SERPINB7: variants seen among roughly 807,000 people sequenced by gnomAD.
SERPINB7 encodes the protein serpin B7.
In SERPINB7, 31 loss-of-function variants were observed where a neutral mutation model predicts 37.4. The ratio of observed to expected loss-of-function variants is 0.83; its 90% CI spans 0.62 to 1.12. The LOEUF is 1.12. SERPINB7 is among the 50% of genes most tolerant of loss of function. The pLI is 0.00. For missense variants in SERPINB7, 521 were observed against 455.3 expected, an observed-to-expected ratio of 1.14 and a Z score of -1.31; for synonymous variants, 163 against 166.1, an observed-to-expected ratio of 0.98 and a Z score of 0.14.
chr18:63,760,391 T>C (rs1030932408), intron 1 of SERPINB7, among the ~76,000 whole-genome samples: 3 of 152,192 alleles, frequency 2.0e-5, no homozygotes. Flanking sequence ...CATTCTGTTT[T>C]ATAAGGGAAG....
At chr18:63,772,580 C>A (rs1049384776), upstream of SERPINB7, among the ~76,000 whole-genome samples, 1 of 151,954 alleles carries the variant, frequency 6.6e-6, no homozygotes, top group Non-Finnish European at 1.5e-5. Flanking sequence ...GAAATGGGAC[C>A]AATTACTGCA....
chr18:63,802,863 A>C (rs768035750), intron 7 of SERPINB7, among the ~76,000 whole-genome samples: 3 of 152,184 alleles, frequency 2.0e-5, no homozygotes, highest in South Asian at 2.1e-4. Flanking sequence ...TTACGTTTTC[A>C]TCTTAATTAT....
At chr18:63,785,032 G>C (rs1424630218) in intron 2 of SERPINB7, among the ~76,000 whole-genome samples, 1 of 152,112 alleles carries the variant, frequency 6.6e-6, no homozygotes, top group South Asian at 2.1e-4. Context: ...ACTCTTTACT[G>C]CCTCATCAAT....
chr18:63,759,114 A>C (rs2049138265), intron 1 of SERPINB7, among the ~76,000 whole-genome samples: 1 of 152,176 alleles, frequency 6.6e-6, no homozygotes. Context: ...TTCATGGTCT[A>C]TCCTATTCTA....
In SERPINB7 at chr18:63,804,675, C is replaced by A. The variant is rs201819420; in HGVS notation, c.*40C>A. 2.2e-5 allele frequency: 34 copies of A among 1,524,652 alleles called. No homozygotes were observed. The highest frequency in any genetic ancestry group is 2.9e-5 in the Non-Finnish European group (33 of 1,132,814). 94.4% of individuals were successfully genotyped at this position (1,524,652 alleles called of 1,614,324 possible). On this transcript the variant is annotated 3_prime_UTR_variant, in exon 8 of 8. Coordinates refer to ENST00000398019, the MANE Select transcript of SERPINB7 (RefSeq NM_003784.4). ...TCTGTTATAGCAGTCCCCACAACATCAAAGAACCACCACAAGTCAATAGAT... is the reference window on the plus strand; with the variant it reads ...TCTGTTATAGCAGTCCCCACAACATAAAAGAACCACCACAAGTCAATAGAT...
chr18:63,763,388 T>C (rs1323040716), intron 1 of SERPINB7, among the ~76,000 whole-genome samples: 1 of 152,236 alleles, frequency 6.6e-6, no homozygotes, highest in Non-Finnish European at 1.5e-5. Context: ...TGTAACTATT[T>C]AATAATTTTC....
At chr18:63,754,180 T>C (rs1478856703) in intron 1 of SERPINB7, among the ~76,000 whole-genome samples, 1 of 152,072 alleles carries the variant, frequency 6.6e-6, no homozygotes, top group Non-Finnish European at 1.5e-5. Context: ...CTTGACAGAG[T>C]TTAAATAAAT....
upstream of SERPINB7, among the ~76,000 whole-genome samples, chr18:63,773,453 C>T (rs2049223043): frequency 6.6e-6 from 1 of 152,114 alleles, no homozygotes; most frequent in South Asian, 2.1e-4. Flanking sequence ...CCTTACCATG[C>T]CCTCGCCATT....
In SERPINB7 at chr18:63,798,727, G is replaced by A. The variant is rs2049515866; in HGVS notation, c.578G>A (p.Cys193Tyr). 4 of 1,611,892 alleles carry A rather than the reference G, an allele frequency of 2.5e-6. No homozygotes were observed. The South Asian group carries it at 4.4e-5, about 18-fold the overall frequency. Residue 193 changes from cysteine to tyrosine, a missense_variant, in exon 6 of 8, where the codon TGC (cysteine) becomes TAC (tyrosine). Cys to Tyr is a radical substitution (Grantham distance 194). Transcript: ENST00000398019. Reference sequence around the variant, plus strand: ...TTCACCAAGAGCGAAACCATAAATTGCCATTTCAAATCTCCCAAGGTATGT... The same window carrying A: ...TTCACCAAGAGCGAAACCATAAATTACCATTTCAAATCTCCCAAGGTATGT... Reference protein sequence around the residue: ...SAFTKSETINCHFKSPKCSGK... With the variant: ...SAFTKSETINYHFKSPKCSGK...
Position 63,754,972 on chromosome 18 carries a change from T to TTCC in SERPINB7, c.-19+1852_-19+1853insTCC, listed in dbSNP as rs554369494. Among the ~76,000 whole-genome samples, 1,355 of 137,346 alleles carry TTCC rather than the reference T, an allele frequency of 9.9e-3. 2 individuals carry two copies. The highest frequency in any genetic ancestry group is 0.022 in the Admixed American group (270 of 12,320). 90.1% of individuals were successfully genotyped at this position (137,346 alleles called of 152,430 possible). On this transcript the variant is annotated intron_variant, in intron 1 of 7. Coordinates refer to the SERPINB7 transcript ENST00000336429. ...CGGACTGCAGTGGCGCAATCTCGGC[T>TTCC]CACTGCAAGCTCCGCTTCCCGGGTT...
rs1701631 is a variant in SERPINB7 at position 63,793,052 on chromosome 18, A to T, written c.220-109A>T. On this transcript the variant is annotated intron_variant, in intron 3 of 7. Transcript: ENST00000398019. ...CTTGTTTGCCATTTTTATAGTATTT[A>T]AAAAAATTCTTTTATGGTATAATTT... The T allele has an allele frequency of 0.1, 50,128 of 502,618 alleles. 4,726 individuals carry two copies. Among genetic ancestry groups the T allele is most frequent in the East Asian group, 0.37 (11,211 of 30,254 alleles). The allele number at this position is 502,618 out of a possible 1,614,324, so 31.1% of individuals were successfully genotyped here. A position where few individuals can be genotyped will look rare whatever the true frequency, so the allele number is the denominator to read the frequency against.
At chr18:63,769,545 A>G (rs1030946249) in intron 1 of SERPINB7, among the ~76,000 whole-genome samples, 3 of 152,116 alleles carry the variant, frequency 2.0e-5, no homozygotes, top group Admixed American at 2.0e-4. Flanking sequence ...TGTCCTGGAC[A>G]TTTTGAGTAT....
chr18:63,795,536 G>T (rs1162570532), intron 4 of SERPINB7, among the ~76,000 whole-genome samples: 1 of 149,690 alleles, frequency 6.7e-6, no homozygotes. Context: ...ACTCCAGCCT[G>T]CAAGGGGACA....
chr18:63,800,867 G>T lies in SERPINB7; in HGVS notation c.599G>T (p.Cys200Phe), dbSNP rs751334291. Residue 200 changes from cysteine to phenylalanine, a missense_variant and splice_region_variant, in exon 7 of 8, where the codon TGC (cysteine) becomes TTC (phenylalanine). Coordinates refer to ENST00000398019, the MANE Select transcript of SERPINB7 (RefSeq NM_003784.4). ...AATTTTTTGTGACTTGACTTTCAGT[G>T]CTCTGGGAAGGCAGTCGCCATGATG... ...TINCHFKSPK[C>F]SGKAVAMMHQ... is the part of the protein sequence containing the mutation. 6.2e-7 allele frequency: 1 copy of T among 1,612,896 alleles called. No individual in the cohort carries two copies. The highest frequency in any genetic ancestry group is 1.1e-5 in the South Asian group (1 of 90,706).
chr18:63,804,668 A>G lies in SERPINB7; in HGVS notation c.*33A>G. The G allele has an allele frequency of 1.3e-6, 2 of 1,544,062 alleles. No homozygotes were observed. Among genetic ancestry groups the G allele is most frequent in the Non-Finnish European group, 1.7e-6 (2 of 1,146,176 alleles). On this transcript the variant is annotated 3_prime_UTR_variant, in exon 8 of 8. Coordinates refer to ENST00000398019, the MANE Select transcript of SERPINB7 (RefSeq NM_003784.4). ...ATTGGTTTCTGTTATAGCAGTCCCCACAACATCAAAGAACCACCACAAGTC... is the reference window on the plus strand; with the variant it reads ...ATTGGTTTCTGTTATAGCAGTCCCCGCAACATCAAAGAACCACCACAAGTC...
intron 1 of SERPINB7, among the ~76,000 whole-genome samples, chr18:63,754,318 T>C (rs2049108259): frequency 6.6e-6 from 1 of 152,196 alleles, no homozygotes; most frequent in Non-Finnish European, 1.5e-5. Flanking sequence ...GTTTCATTTA[T>C]GTTGAATGAA....
At position 63,795,837 on chromosome 18, in the gene SERPINB7, G is replaced by A. The variant is rs114181594; in HGVS notation, c.337-429G>A. Among the ~76,000 whole-genome samples, 242 of 152,272 alleles carry A rather than the reference G, an allele frequency of 1.6e-3. 3 individuals are homozygous for A. The highest frequency in any genetic ancestry group is 5.7e-3 in the African/African-American group (235 of 41,552). On this transcript the variant is annotated intron_variant, in intron 4 of 7. Coordinates refer to ENST00000398019, the MANE Select transcript of SERPINB7 (RefSeq NM_003784.4). The stretch of plus-strand genomic sequence containing the variant: ...GTGGCTATGACGTAAGCAGGGTGGG[G>A]ATCAGCAGAGTCTTGTCGGCAAGTT...
At chr18:63,768,253 G>A (rs1192811096) in intron 1 of SERPINB7, among the ~76,000 whole-genome samples, 1 of 146,408 alleles carries the variant, frequency 6.8e-6, no homozygotes, top group Non-Finnish European at 1.5e-5. Flanking sequence ...TTATTGGTTT[G>A]AGACTGTTCT....
chr18:63,789,316 A>T (rs535113702), intron 2 of SERPINB7, among the ~76,000 whole-genome samples: 2 of 152,348 alleles, frequency 1.3e-5, no homozygotes, highest in South Asian at 4.1e-4. Flanking sequence ...GATGATGGAC[A>T]GTAATGACTT....
Sources: allele counts gnomAD v4.1 joint callset (sites outside exome capture counted in the v4.1 genomes callset), GRCh38; gene constraint gnomAD v4.1.1; transcripts MANE v1.5; gene names NCBI Gene and HGNC (gene_info 2026-07-23, HGNC 2026-07-21).